Variants in CLCN7 observed in about 807,000 individuals in gnomAD.
CLCN7 encodes H(+)/Cl(-) exchange transporter 7.
CLCN7 carries 60 observed loss-of-function variants against 102.1 expected under a neutral mutation model. That is an observed-to-expected ratio of 0.59 (90% CI 0.48 to 0.73). The LOEUF is 0.73. Ranked by LOEUF, CLCN7 falls within the 30% of genes least tolerant of loss-of-function variation. The probability of loss-of-function intolerance (pLI) is 0.00; values close to 1 mark genes in which losing one functional copy is unlikely to be tolerated. For synonymous variants in CLCN7, 560 were observed against 490.5 expected (o/e 1.14, Z -1.87); for missense variants, 962 against 1,125.7 (o/e 0.85, Z 2.08).
chr16:1,465,374 C>A (rs767988832), intron 1 of CLCN7, 36 bp from the exon 2 acceptor site: 2 of 1,572,528 alleles, frequency 1.3e-6, no homozygotes, highest in Non-Finnish European at 1.7e-6. Context: ...GGCGCTCAGG[C>A]GTCGCACGCT....
At position 1,465,331 on chromosome 16, in the gene CLCN7, C is replaced by T. The variant is rs760707771; in HGVS notation, c.149G>A (p.Arg50His). The T allele has an allele frequency of 5.8e-5, 94 of 1,613,318 alleles. No homozygotes were observed. The highest frequency in any genetic ancestry group is 7.5e-5 in the Non-Finnish European group (88 of 1,179,810). ...ATGTCCGACTCGGAAAAGCGCAGAACGTGGTGACTAAAAGCAGAAGAGAAA... is the reference window on the plus strand; with the variant it reads ...ATGTCCGACTCGGAAAAGCGCAGAATGTGGTGACTAAAAGCAGAAGAGAAA... ...AGPGAARQSP[R>H]SALFRVGHMS... Residue 50 changes from arginine to histidine, a missense_variant, in exon 2 of 25, where the codon CGT becomes CAT. Coordinates refer to ENST00000382745, the MANE Select transcript of CLCN7 (RefSeq NM_001287.6).
intron 2 of CLCN7, among the ~76,000 whole-genome samples, chr16:1,462,953 G>C (rs1486674548): frequency 2.0e-5 from 3 of 151,850 alleles, no homozygotes; most frequent in African/African-American, 4.8e-5. Context: ...TTGAGGCCAG[G>C]AGTTTGTGAT....
intron 1 of CLCN7, chr16:1,474,483 G>A (rs138431210): frequency 2.9e-6 from 1 of 345,640 alleles, no homozygotes; most frequent in South Asian, 2.4e-5. Context: ...TGAACAGAAA[G>A]CCACTTGCAC....
chr16:1,471,436 C>G (rs899655362), intron 1 of CLCN7, among the ~76,000 whole-genome samples: 1 of 152,106 alleles, frequency 6.6e-6, no homozygotes, highest in African/African-American at 2.4e-5. Context: ...TTACAGTACC[C>G]CGTCTGTGGC....
rs951625555 is a variant in CLCN7, at chr16:1,460,505, C to T, written c.507G>A (p.Lys169=). 8.7e-6 allele frequency: 14 copies of T among 1,613,536 alleles called. No individual in the cohort carries two copies. Among genetic ancestry groups the T allele is most frequent in the Non-Finnish European group, 1.2e-5 (14 of 1,179,900 alleles). The change falls in exon 6 of 25, where the codon AAG becomes AAA. Residue 169 remains lysine, a synonymous_variant. Coordinates refer to ENST00000382745, the MANE Select transcript of CLCN7 (RefSeq NM_001287.6). ...IKGNIDKFTE[K]GGLSFSLLLW... is the part of the protein sequence containing the mutation. ...GCAACAGGGAGAAGGACAGTCCGCC[C>T]TTCTCTGTGAACTTGTCGATATCTG...
chr16:1,457,883 G>A lies in CLCN7; in HGVS notation c.676-127C>T, dbSNP rs960924596. 2 of 906,338 alleles carry A rather than the reference G, an allele frequency of 2.2e-6. No homozygotes were observed. The highest frequency in any genetic ancestry group is 1.4e-5 in the South Asian group (1 of 73,004). The allele number at this position is 906,338 out of a possible 1,614,324, so 56.1% of individuals were successfully genotyped here. A position where few individuals can be genotyped will look rare whatever the true frequency, so the allele number is the denominator to read the frequency against. On this transcript the variant is annotated intron_variant, in intron 7 of 24. Coordinates refer to ENST00000382745, the MANE Select transcript of CLCN7 (RefSeq NM_001287.6). The surrounding 1 kb of genome is among the most constrained non-coding windows in gnomAD (Gnocchi z 5.4). The stretch of plus-strand genomic sequence containing the variant: ...TGGGACACGGGGCCTCCGGGAGGGG[G>A]CCAGCACCCCCAGGCTGGGTCTCCC...
chr16:1,473,020 T>C (rs1014688504), intron 1 of CLCN7, among the ~76,000 whole-genome samples: 1 of 147,750 alleles, frequency 6.8e-6, no homozygotes, highest in East Asian at 1.9e-4. Flanking sequence ...CTCCCCTACC[T>C]TGGCCTCCCA....
intron 16 of CLCN7, 106 bp downstream of exon 16, chr16:1,451,517 C>T: frequency 1.1e-6 from 1 of 877,388 alleles, no homozygotes; most frequent in Non-Finnish European, 1.8e-6. Context: ...CTAGGGATGA[C>T]CCCCCAGCCC....
chr16:1,475,013 T>G lies in CLCN7; in HGVS notation c.-39A>C. On this transcript the variant is annotated 5_prime_UTR_variant, in exon 1 of 25. Coordinates refer to ENST00000382745, the MANE Select transcript of CLCN7 (RefSeq NM_001287.6). ...GCGACACCGGCCGGGAAGCGCCGGC[T>G]GCCCCCGTGTTTGTTCTCGTGACCC... 1 of 1,413,638 alleles carries G rather than the reference T, an allele frequency of 7.1e-7. No homozygotes were observed. The highest frequency in any genetic ancestry group is 9.3e-7 in the Non-Finnish European group (1 of 1,080,674). 87.6% of individuals were successfully genotyped at this position (1,413,638 alleles called of 1,614,324 possible). A position where few individuals can be genotyped will look rare whatever the true frequency, so the allele number is the denominator to read the frequency against.
chr16:1,447,116 G>T, intron 23 of CLCN7, 30 bp from the exon 24 acceptor site: 1 of 1,562,542 alleles, frequency 6.4e-7, no homozygotes, highest in Non-Finnish European at 8.6e-7. Context: ...GTCAGTGCCC[G>T]CCCACACAGC....
At chr16:1,474,808 C>A in intron 1 of CLCN7, 26 bp downstream of exon 1, 1 of 1,303,416 alleles carries the variant, frequency 7.7e-7, no homozygotes, top group South Asian at 2.1e-5. Flanking sequence ...GCTCAGTTTC[C>A]CCGCCTGCGC....
At chr16:1,455,539 G>A in intron 11 of CLCN7, 192 bp downstream of exon 11, 1 of 708,788 alleles carries the variant, frequency 1.4e-6, no homozygotes, top group Admixed American at 2.1e-5. Context: ...GCTGGCAATG[G>A]TGCCCAGGAC....
At position 1,447,707 on chromosome 16, in the gene CLCN7, C is replaced by A. The variant is rs758816489; in HGVS notation, c.2021G>T (p.Arg674Leu). 220 of 1,553,520 alleles carry A rather than the reference C, an allele frequency of 1.4e-4. No individual in the cohort carries two copies. Among genetic ancestry groups the A allele is most frequent in the Non-Finnish European group, 1.8e-4 (202 of 1,149,086 alleles). Residue 674 changes from arginine (R) to leucine (L), a missense_variant, in exon 22 of 25, where the codon CGG becomes CTG. Around this residue, in one of 2 missense-constraint regions of CLCN7, gnomAD observed 799 missense variants for 988.0 expected, o/e 0.81. Transcript: ENST00000382745. ...GGAGCGCAGGATCAGGCCCTGGAGCCGGGCAGGCTGCAAGACAGGCCCGCG... is the reference window on the plus strand; with the variant it reads ...GGAGCGCAGGATCAGGCCCTGGAGCAGGGCAGGCTGCAAGACAGGCCCGCG... ...VEHADDTQPA[R>L]LQGLILRSQL...
intron 1 of CLCN7, among the ~76,000 whole-genome samples, chr16:1,470,677 G>A (rs1253331920): frequency 6.6e-6 from 1 of 152,190 alleles, no homozygotes; most frequent in African/African-American, 2.4e-5. Context: ...CTTCCTGGAG[G>A]CCAGAAAAGA....
In CLCN7 at chr16:1,455,740, G is replaced by A; in HGVS notation, c.972C>T (p.Thr324=). ...EGASFWNQFL[T]WRIFFASMIS... is the part of the protein sequence containing the mutation. ...ATCAGCAGGAACTTACGATCCTCCA[G>A]GTCAGGAACTGGTTCCAGAAGGACG... is the stretch of plus-strand genomic sequence containing the variant. Residue 324 remains threonine, a synonymous_variant, in exon 11 of 25, where the codon ACC becomes ACT. Transcript: ENST00000382745. The A allele has an allele frequency of 6.2e-7, 1 of 1,613,842 alleles. No individual in the cohort carries two copies. Among genetic ancestry groups the A allele is most frequent in the Non-Finnish European group, 8.5e-7 (1 of 1,179,988 alleles).
In CLCN7 at chr16:1,457,257, G is replaced by C; in HGVS notation, c.819C>G (p.Phe273Leu). 1.2e-6 allele frequency: 2 copies of C among 1,613,926 alleles called. No homozygotes were observed. The highest frequency in any genetic ancestry group is 8.5e-7 in the Non-Finnish European group (1 of 1,179,922). The change falls in exon 9 of 25, where the codon TTC becomes TTG. Residue 273 changes from phenylalanine to leucine, a missense_variant. Phe to Leu is a conservative substitution (Grantham distance 22). Transcript: ENST00000382745. The surrounding 1 kb of genome is among the most constrained non-coding windows in gnomAD (Gnocchi z 5.4). ...QGRSTSLKRD[F>L]KIFEYFRRDT... ...CCCACACAAGATTTCAACTCACCTTGAAATCTCGTTTCAGTGACGTTGACC... is the reference window on the plus strand; with the variant it reads ...CCCACACAAGATTTCAACTCACCTTCAAATCTCGTTTCAGTGACGTTGACC...
At chr16:1,450,926 C>T (rs1029014317) in intron 16 of CLCN7, among the ~76,000 whole-genome samples, 1 of 152,224 alleles carries the variant, frequency 6.6e-6, no homozygotes, top group African/African-American at 2.4e-5. Context: ...CCGCGTCCAG[C>T]GGGGCGGCCC....
intron 11 of CLCN7, 69 bp from the exon 12 acceptor site, chr16:1,455,319 G>A: frequency 9.9e-7 from 1 of 1,008,600 alleles, no homozygotes; most frequent in South Asian, 1.3e-5. Context: ...CGGACCAGCA[G>A]GGACCATCGC....
chr16:1,464,394 A>T (rs1002249516), intron 2 of CLCN7, among the ~76,000 whole-genome samples: 1 of 152,338 alleles, frequency 6.6e-6, no homozygotes, highest in Middle Eastern at 3.4e-3. Flanking sequence ...AAGGCTTTGA[A>T]GTCCAAAAAG....
Sources: allele counts gnomAD v4.1 joint callset (sites outside exome capture counted in the v4.1 genomes callset), GRCh38; gene constraint gnomAD v4.1.1; regional missense constraint gnomAD v4.1.1; non-coding constraint Gnocchi (gnomAD v3.1); transcripts MANE v1.5; gene names NCBI Gene and HGNC (gene_info 2026-07-23, HGNC 2026-07-21).